The following VAX2 variants were observed in gnomAD, a reference collection of about 807,000 sequenced individuals.
The protein encoded by VAX2 is ventral anterior homeobox 2.
Under a neutral mutation model 12.5 loss-of-function variants are expected in VAX2, and 8 were observed. That is an observed-to-expected ratio of 0.64 (90% CI 0.37 to 1.15). VAX2 has a LOEUF of 1.15. Among genes scored for constraint, VAX2 ranks in the 50% most tolerant of loss-of-function variants. VAX2 has a pLI of 0.01. For synonymous variants in VAX2, 183 were observed against 187.6 expected (o/e 0.98, Z 0.20); for missense variants, 476 against 412.9 (o/e 1.15, Z -1.32).
intron 1 of VAX2, among the ~76,000 whole-genome samples, chr2:70,914,665 T>C (rs1374437637): frequency 1.3e-5 from 2 of 152,202 alleles, no homozygotes; most frequent in Admixed American, 1.3e-4. Flanking sequence ...TTTCCATTGT[T>C]GCTGGAACTT....
chr2:70,932,381 T>G (rs1261555813), intron 2 of VAX2, among the ~76,000 whole-genome samples: 1 of 152,068 alleles, frequency 6.6e-6, no homozygotes, highest in East Asian at 1.9e-4. Flanking sequence ...TACCAGCACA[T>G]AAATGGTGGC....
intron 1 of VAX2, among the ~76,000 whole-genome samples, chr2:70,912,920 A>G (rs1679222082): frequency 6.8e-6 from 1 of 146,212 alleles, no homozygotes; most frequent in African/African-American, 2.8e-5. Context: ...CTTGAGGGGT[A>G]GCAAAATGCA....
intron 2 of VAX2, among the ~76,000 whole-genome samples, chr2:70,922,444 CCT>C (rs1369863440): frequency 1.2e-4 from 19 of 152,262 alleles, no homozygotes; most frequent in African/African-American, 3.9e-4. Context: ...GTCAGCTCTC[CCT>C]GTTTCCCTCA....
chr2:70,924,376 T>G (rs1337110496), intron 2 of VAX2: 3 of 128,796 alleles, frequency 2.3e-5, no homozygotes, highest in Non-Finnish European at 5.5e-5. Flanking sequence ...TTATGTTTAC[T>G]GTAGAGACGG....
chr2:70,915,188 C>CT (rs1377198700), intron 1 of VAX2, among the ~76,000 whole-genome samples: 1 of 151,868 alleles, frequency 6.6e-6, no homozygotes, highest in Non-Finnish European at 1.5e-5. Flanking sequence ...AAGTTTTTAG[C>CT]TTTAATATAG....
rs566971146 is a variant in VAX2, at chr2:70,926,382, G to T, written c.435+5097G>T. Among the ~76,000 whole-genome samples, 3 of 152,310 alleles carry T rather than the reference G, an allele frequency of 2.0e-5. No homozygotes were observed. The East Asian group carries it at 5.8e-4, about 29-fold the overall frequency. On this transcript the variant is annotated intron_variant, in intron 2 of 2. Coordinates refer to ENST00000234392, the MANE Select transcript of VAX2 (RefSeq NM_012476.3). ...AAGAACCCTCTGCCCACCTTTGTCAGCCCAAGGGTAGCATACACTGAAAGT... is the reference window on the plus strand; with the variant it reads ...AAGAACCCTCTGCCCACCTTTGTCATCCCAAGGGTAGCATACACTGAAAGT...
At position 70,900,801 on chromosome 2, in the gene VAX2, T is replaced by A. The variant is rs782152782; in HGVS notation, c.180T>A (p.Ser60Arg). 37 of 1,487,316 alleles carry A rather than the reference T, an allele frequency of 2.5e-5. 1 individual carries two copies. The highest frequency in any genetic ancestry group is 3.6e-6 in the Non-Finnish European group (4 of 1,118,038). 92.1% of individuals were successfully genotyped at this position (1,487,316 alleles called of 1,614,324 possible). A position where few individuals can be genotyped will look rare whatever the true frequency, so the allele number is the denominator to read the frequency against. Residue 60 changes from serine to arginine, a missense_variant, in exon 1 of 3, where the codon AGT becomes AGA. Transcript: ENST00000234392. Reference sequence around the variant, plus strand: ...CCAGTCCCGCAGGCTCCAGGGAGAGTGGAGCCGACAGCGACGGGCAGCCCG... The same window carrying A: ...CCAGTCCCGCAGGCTCCAGGGAGAGAGGAGCCGACAGCGACGGGCAGCCCG... ...SASSPAGSRE[S>R]GADSDGQPGP...
intron 2 of VAX2, among the ~76,000 whole-genome samples, chr2:70,932,011 C>T (rs528299977): frequency 1.6e-4 from 24 of 152,350 alleles, no homozygotes; most frequent in African/African-American, 4.6e-4. Flanking sequence ...CAGGTTCCCC[C>T]GTTCTGAGTT....
intron 2 of VAX2, among the ~76,000 whole-genome samples, chr2:70,929,541 GT>G (rs1679646631): frequency 6.6e-6 from 1 of 152,160 alleles, no homozygotes; most frequent in Non-Finnish European, 1.5e-5. Flanking sequence ...ACAAAAATTA[GT>G]TGGGTGTGAT....
chr2:70,903,690 A>T (rs1678984450), intron 1 of VAX2, among the ~76,000 whole-genome samples: 1 of 152,196 alleles, frequency 6.6e-6, no homozygotes, highest in Admixed American at 6.5e-5. Flanking sequence ...TTGTTGACAG[A>T]AGGAAGGGTG....
chr2:70,907,394 C>T (rs1347853477), intron 1 of VAX2, among the ~76,000 whole-genome samples: 2 of 152,254 alleles, frequency 1.3e-5, no homozygotes, highest in Non-Finnish European at 2.9e-5. Flanking sequence ...TGAGGTTCCA[C>T]GGGCAAAGCC....
intron 1 of VAX2, among the ~76,000 whole-genome samples, chr2:70,910,744 C>A (rs559732375): frequency 6.6e-6 from 1 of 150,482 alleles, no homozygotes; most frequent in South Asian, 2.1e-4. Flanking sequence ...AGCCCTTTTT[C>A]TGTGACATGT....
chr2:70,901,101 G>A (rs782325776), intron 1 of VAX2, among the ~76,000 whole-genome samples: 7 of 152,254 alleles, frequency 4.6e-5, no homozygotes, highest in Non-Finnish European at 1.0e-4. Flanking sequence ...CGCCTCTCGG[G>A]CCAGTCCCCT....
chr2:70,901,256 G>A (rs1357377809), intron 1 of VAX2, among the ~76,000 whole-genome samples: 4 of 152,238 alleles, frequency 2.6e-5, no homozygotes, highest in Non-Finnish European at 4.4e-5. Context: ...GACGTGGAGG[G>A]AGCAGCGTCG....
intron 2 of VAX2, among the ~76,000 whole-genome samples, chr2:70,926,236 C>T (rs546412897): frequency 4.6e-5 from 7 of 152,308 alleles, no homozygotes; most frequent in Non-Finnish European, 1.0e-4. Flanking sequence ...GAACAAGACA[C>T]AGTGCAGCTG....
chr2:70,921,264 G>A lies in VAX2; in HGVS notation c.414G>A (p.Gln138=). The change falls in exon 2 of 3, where the codon CAG becomes CAA. Residue 138 remains glutamine, a synonymous_variant. Coordinates refer to ENST00000234392, the MANE Select transcript of VAX2 (RefSeq NM_012476.3). ...VGRERTELAR[Q]LNLSETQVKV... ...GCGAGCGCACTGAGCTGGCCCGCCA[G>A]CTGAACCTCTCCGAGACCCAGGTAA... 1 of 1,611,008 alleles carries A rather than the reference G, an allele frequency of 6.2e-7. No homozygotes were observed. The highest frequency in any genetic ancestry group is 1.1e-5 in the South Asian group (1 of 90,550).
chr2:70,900,910 C>G, intron 1 of VAX2, 42 bp downstream of exon 1: 1 of 1,298,996 alleles, frequency 7.7e-7, no homozygotes, highest in East Asian at 3.1e-5. Flanking sequence ...GGACCCTCAC[C>G]CTACCCATAC....
chr2:70,926,562 G>A (rs1456284985), intron 2 of VAX2, among the ~76,000 whole-genome samples: 1 of 152,178 alleles, frequency 6.6e-6, no homozygotes, highest in Non-Finnish European at 1.5e-5. Flanking sequence ...CTGGAGACCA[G>A]CTGTACGTAC....
At chr2:70,911,752 C>T (rs943327249) in intron 1 of VAX2, among the ~76,000 whole-genome samples, 33 of 152,090 alleles carry the variant, frequency 2.2e-4, no homozygotes, top group Non-Finnish European at 4.4e-4. Context: ...ATAATTTGTT[C>T]GGTTTCCCAC....
Sources: gnomAD v4.1 joint callset for allele counts (sites outside exome capture counted in the v4.1 genomes callset) on GRCh38, gnomAD v4.1.1 for gene constraint, MANE v1.5 for transcripts, NCBI Gene and HGNC (gene_info 2026-07-23, HGNC 2026-07-21) for gene names.